Variants in CHSY1 observed in about 807,000 individuals in gnomAD.
CHSY1 encodes chondroitin sulfate synthase 1.
A neutral mutation model predicts 59.8 loss-of-function variants in CHSY1; 13 were observed. That is an observed-to-expected ratio of 0.22 (90% CI 0.14 to 0.35). The LOEUF (loss-of-function observed/expected upper bound fraction) is 0.35. CHSY1 is among the 10% of genes least tolerant of loss of function. The probability of loss-of-function intolerance (pLI) is 1.00; values close to 1 mark genes in which losing one functional copy is unlikely to be tolerated. For synonymous variants in CHSY1, 459 were observed against 401.2 expected, an observed-to-expected ratio of 1.14 and a Z score of -1.72; for missense variants, 947 against 1,030.6, an observed-to-expected ratio of 0.92 and a Z score of 1.11.
chr15:101,230,295 C>T (rs2038881144), intron 2 of CHSY1, among the ~76,000 whole-genome samples: 1 of 152,128 alleles, frequency 6.6e-6, no homozygotes, highest in African/African-American at 2.4e-5. Context: ...GACATCTAGC[C>T]ACTGAGGGTC....
rs1473782076 is a variant in CHSY1 at position 101,251,105 on chromosome 15, C to G, written c.320+32G>C. The stretch of plus-strand genomic sequence containing the variant: ...ATGCCGGCCGCCGGGATGCCGGACG[C>G]AGGAGGCGGTGCCCGGGGAGCAGGG... On this transcript the variant is annotated intron_variant, in intron 1 of 2. Coordinates refer to ENST00000254190, the MANE Select transcript of CHSY1 (RefSeq NM_014918.5). The G allele has an allele frequency of 3.2e-6, 5 of 1,544,042 alleles. No individual in the cohort carries two copies. The Admixed American group carries it at 9.4e-5, about 29-fold the overall frequency.
intron 2 of CHSY1, among the ~76,000 whole-genome samples, chr15:101,190,916 A>G (rs1021467245): frequency 6.6e-6 from 1 of 152,136 alleles, no homozygotes; most frequent in African/African-American, 2.4e-5. Flanking sequence ...GAGAGGAGCG[A>G]CGCGAAATGC....
chr15:101,230,709 T>C (rs561615715), intron 2 of CHSY1, among the ~76,000 whole-genome samples: 4 of 152,340 alleles, frequency 2.6e-5, no homozygotes, highest in Admixed American at 6.5e-5. Flanking sequence ...CCCTTGATGA[T>C]ATATGCCTCC....
intron 1 of CHSY1, among the ~76,000 whole-genome samples, chr15:101,247,553 T>C (rs1219622983): frequency 6.6e-6 from 1 of 152,240 alleles, no homozygotes; most frequent in African/African-American, 2.4e-5. Flanking sequence ...CATGCATGCA[T>C]GTGCTTTACA....
intron 2 of CHSY1, among the ~76,000 whole-genome samples, chr15:101,190,133 A>AG (rs1224677608): frequency 1.3e-5 from 2 of 152,088 alleles, no homozygotes; most frequent in African/African-American, 4.8e-5. Context: ...ATGAAGTCTG[A>AG]GGGGGGACTC....
intron 2 of CHSY1, among the ~76,000 whole-genome samples, chr15:101,232,741 A>C (rs924486277): frequency 6.6e-6 from 1 of 152,266 alleles, no homozygotes; most frequent in African/African-American, 2.4e-5. Flanking sequence ...GCACTTCAAC[A>C]AAACTGTAAG....
chr15:101,232,428 A>G (rs1196874607), intron 2 of CHSY1, among the ~76,000 whole-genome samples: 1 of 152,224 alleles, frequency 6.6e-6, no homozygotes, highest in East Asian at 1.9e-4. Context: ...AAAGAAAAAT[A>G]AAAAAATAGA....
chr15:101,201,503 T>C (rs1284461486), intron 2 of CHSY1, among the ~76,000 whole-genome samples: 1 of 152,226 alleles, frequency 6.6e-6, no homozygotes, highest in East Asian at 1.9e-4. Flanking sequence ...CCCATCCTTC[T>C]GGGGCTGGTC....
chr15:101,248,234 G>GTCTGGGC (rs1231221140), intron 1 of CHSY1, among the ~76,000 whole-genome samples: 2 of 152,108 alleles, frequency 1.3e-5, no homozygotes, highest in African/African-American at 4.8e-5. Context: ...TGGACTTTTG[G>GTCTGGGC]TCTGGGCTGC....
At chr15:101,180,590 A>T (rs1271864314) in intron 2 of CHSY1, among the ~76,000 whole-genome samples, 1 of 152,188 alleles carries the variant, frequency 6.6e-6, no homozygotes, top group East Asian at 1.9e-4. Context: ...CCCTTCTGCT[A>T]CCTACTATCA....
At position 101,178,110 on chromosome 15, in the gene CHSY1, G is replaced by C; in HGVS notation, c.1687C>G (p.Gln563Glu). ...NFEKTCLIPN[Q>E]NVKLVVLLFN... ...AGCAGAACCACGAGCTTGACGTTCT[G>C]ATTGGGGATAAGACACGTCTTCTCA... Residue 563 changes from glutamine to glutamate, a missense_variant, in exon 3 of 3, where the codon CAG (glutamine) becomes GAG (glutamate). Coordinates refer to ENST00000254190, the MANE Select transcript of CHSY1 (RefSeq NM_014918.5). 1 of 1,614,220 alleles carries C rather than the reference G, an allele frequency of 6.2e-7. No homozygotes were observed. The highest frequency in any genetic ancestry group is 8.5e-7 in the Non-Finnish European group (1 of 1,180,014).
intron 2 of CHSY1, among the ~76,000 whole-genome samples, chr15:101,214,039 G>C (rs1024674665): frequency 2.0e-5 from 3 of 152,232 alleles, no homozygotes; most frequent in East Asian, 1.9e-4. Context: ...CCAGTCCCAA[G>C]TGACCTGGAT....
chr15:101,205,189 T>A (rs1320596296), intron 2 of CHSY1, among the ~76,000 whole-genome samples: 1 of 152,178 alleles, frequency 6.6e-6, no homozygotes, highest in East Asian at 1.9e-4. Flanking sequence ...ATACCTCATA[T>A]GCTTGAGGTT....
chr15:101,179,092 A>C (rs1245145244), intron 2 of CHSY1, 112 bp from the exon 3 acceptor site: 1 of 1,050,702 alleles, frequency 9.5e-7, no homozygotes, highest in Non-Finnish European at 1.4e-6. Flanking sequence ...CACAGCACAC[A>C]AAAGGCCCTA....
intron 2 of CHSY1, among the ~76,000 whole-genome samples, chr15:101,227,693 G>T (rs527709849): frequency 6.6e-6 from 1 of 152,320 alleles, no homozygotes; most frequent in South Asian, 2.1e-4. Flanking sequence ...TTAAGGCAGG[G>T]TTGTCAAATG....
At chr15:101,244,567 C>T (rs190072641) in intron 1 of CHSY1, among the ~76,000 whole-genome samples, 5 of 152,182 alleles carry the variant, frequency 3.3e-5, no homozygotes, top group Non-Finnish European at 7.4e-5. Context: ...TGTAGAAAAA[C>T]CAGAATATAT....
At chr15:101,248,277 C>T (rs566938715) in intron 1 of CHSY1, among the ~76,000 whole-genome samples, 4 of 152,238 alleles carry the variant, frequency 2.6e-5, no homozygotes, top group Non-Finnish European at 5.9e-5. Context: ...ATATGTTATA[C>T]CCTATAACCT....
At chr15:101,215,652 T>C (rs777478056) in intron 2 of CHSY1, among the ~76,000 whole-genome samples, 8 of 152,200 alleles carry the variant, frequency 5.3e-5, no homozygotes, top group Non-Finnish European at 1.2e-4. Context: ...GGAGAATCGC[T>C]TGAACCTGGG....
intron 2 of CHSY1, among the ~76,000 whole-genome samples, chr15:101,182,076 T>C (rs2038288052): frequency 6.6e-6 from 1 of 152,212 alleles, no homozygotes; most frequent in African/African-American, 2.4e-5. Context: ...AAATCAACCG[T>C]CTGTATCTGA....
Sources: allele counts gnomAD v4.1 joint callset (sites outside exome capture counted in the v4.1 genomes callset), GRCh38; gene constraint gnomAD v4.1.1; transcripts MANE v1.5; gene names NCBI Gene and HGNC (gene_info 2026-07-23, HGNC 2026-07-21).